The following DCUN1D4 variants were observed in gnomAD, a reference collection of about 807,000 sequenced individuals.
The protein encoded by DCUN1D4 is DCN1-like protein 4.
In DCUN1D4, 22 loss-of-function variants were observed where a neutral mutation model predicts 47.9. The ratio of observed to expected loss-of-function variants is 0.46; its 90% CI spans 0.33 to 0.66. The LOEUF is 0.66. Ranked by LOEUF, DCUN1D4 falls within the 30% of genes least tolerant of loss-of-function variation. The probability of loss-of-function intolerance (pLI) is 0.02; values close to 1 mark genes in which losing one functional copy is unlikely to be tolerated. For missense variants in DCUN1D4, 301 were observed against 340.8 expected, an observed-to-expected ratio of 0.88 and a Z score of 0.92; for synonymous variants, 121 against 112.2, an observed-to-expected ratio of 1.08 and a Z score of -0.50.
At position 51,915,240 on chromosome 4, in the gene DCUN1D4, C is replaced by T. The variant is rs1282713912; in HGVS notation, c.*1656C>T. ...AAGAAAGAAATTTTGTATGTATATA[C>T]AGTGTGTGTGTATACAAAATCATGA... is the stretch of plus-strand genomic sequence containing the variant. On this transcript the variant is annotated 3_prime_UTR_variant, in exon 11 of 11. Coordinates refer to ENST00000334635, the MANE Select transcript of DCUN1D4 (RefSeq NM_001040402.3). 6.6e-6 allele frequency: 1 copy of T among 152,478 alleles called. No homozygotes were observed. The highest frequency in any genetic ancestry group is 2.4e-5 in the African/African-American group (1 of 41,412). 9.4% of individuals were successfully genotyped at this position (152,478 alleles called of 1,614,324 possible). A position where few individuals can be genotyped will look rare whatever the true frequency, so the allele number is the denominator to read the frequency against.
rs1265582626 is a variant in DCUN1D4, at chr4:51,886,552, A to C, written c.344-16A>C. The C allele has an allele frequency of 1.2e-6, 2 of 1,612,232 alleles. No homozygotes were observed. Among genetic ancestry groups the C allele is most frequent in the Non-Finnish European group, 1.7e-6 (2 of 1,178,510 alleles). ...TGCATGGTCAGATTTAATTTACATA[A>C]GACTGTATTTCACAGGAACTGATGA... On this transcript the variant is annotated splice_polypyrimidine_tract_variant and intron_variant, in intron 5 of 10. Transcript: ENST00000334635.
chr4:51,863,597 T>G (rs1291160074), intron 2 of DCUN1D4, 73 bp from the exon 3 acceptor site: 1 of 1,580,812 alleles, frequency 6.3e-7, no homozygotes, highest in Non-Finnish European at 8.7e-7. Flanking sequence ...ATTCTAGATA[T>G]TAGGATATCA....
intron 9 of DCUN1D4, among the ~76,000 whole-genome samples, chr4:51,911,678 T>A (rs1324466192): frequency 6.6e-6 from 1 of 152,170 alleles, no homozygotes. Context: ...CTCCTTCAGT[T>A]TAAATTGTCT....
At chr4:51,906,081 TAAAG>T (rs538737414) in intron 8 of DCUN1D4, among the ~76,000 whole-genome samples, 10 of 152,176 alleles carry the variant, frequency 6.6e-5, no homozygotes, top group Admixed American at 2.0e-4. Context: ...AATAAAACCT[TAAAG>T]AAGTCGAATG....
intron 6 of DCUN1D4, among the ~76,000 whole-genome samples, chr4:51,890,282 C>A (rs1392345325): frequency 2.0e-5 from 3 of 152,128 alleles, no homozygotes; most frequent in Non-Finnish European, 1.5e-5. Context: ...GTTTTTATGT[C>A]ATCTTAGTTC....
chr4:51,898,650 C>A (rs1731637668), intron 7 of DCUN1D4, among the ~76,000 whole-genome samples: 1 of 152,210 alleles, frequency 6.6e-6, no homozygotes, highest in Non-Finnish European at 1.5e-5. Context: ...GGACACACAT[C>A]TTGTCAGAAG....
intron 6 of DCUN1D4, among the ~76,000 whole-genome samples, chr4:51,889,352 G>A (rs1730062738): frequency 6.6e-6 from 1 of 152,170 alleles, no homozygotes; most frequent in South Asian, 2.1e-4. Flanking sequence ...CACGTTTAAG[G>A]TATTTAAAAC....
intron 5 of DCUN1D4, among the ~76,000 whole-genome samples, chr4:51,882,561 A>G (rs1471419628): frequency 6.6e-6 from 1 of 152,044 alleles, no homozygotes; most frequent in Non-Finnish European, 1.5e-5. Context: ...AGGTCAGGAG[A>G]TCGAGACCAT....
intron 9 of DCUN1D4, 55 bp from the exon 10 acceptor site, chr4:51,913,235 G>A (rs867003707): frequency 4.0e-5 from 44 of 1,108,428 alleles, no homozygotes; most frequent in Middle Eastern, 2.0e-4. Flanking sequence ...AATTGAAACC[G>A]TCCCATTTGT....
rs113392701 is a variant in DCUN1D4, at chr4:51,910,168, T to C, written c.616-902T>C. Among the ~76,000 whole-genome samples the C allele has an allele frequency of 1.5e-3, 224 of 152,290 alleles. 3 individuals are homozygous for C. Among genetic ancestry groups the C allele is most frequent in the African/African-American group, 5.1e-3 (212 of 41,566 alleles). Reference sequence around the variant, plus strand: ...TGTAGTTAAGATAACACATGGAGGCTAGCTTTGGATATGTAAGGTATGCTT... The same window carrying C: ...TGTAGTTAAGATAACACATGGAGGCCAGCTTTGGATATGTAAGGTATGCTT... On this transcript the variant is annotated intron_variant, in intron 8 of 10. Coordinates refer to ENST00000334635, the MANE Select transcript of DCUN1D4 (RefSeq NM_001040402.3).
intron 8 of DCUN1D4, among the ~76,000 whole-genome samples, chr4:51,910,169 AGCTTTGGATATGTAAGGTAT>A (rs2110137976): frequency 6.6e-6 from 1 of 152,262 alleles, no homozygotes; most frequent in African/African-American, 2.4e-5. Context: ...CATGGAGGCT[AGCTTTGGATATGTAAGGTAT>A]GCTTATGGTC....
intron 1 of DCUN1D4, among the ~76,000 whole-genome samples, chr4:51,848,718 A>G (rs935020860): frequency 2.0e-5 from 3 of 152,232 alleles, no homozygotes; most frequent in Non-Finnish European, 2.9e-5. Flanking sequence ...AGAATTAGGT[A>G]TTTTAACAAT....
chr4:51,906,590 T>C (rs1021478797), intron 8 of DCUN1D4, among the ~76,000 whole-genome samples: 1 of 151,794 alleles, frequency 6.6e-6, no homozygotes, highest in Non-Finnish European at 1.5e-5. Context: ...CTCCTCACAC[T>C]CTCCCTCATA....
intron 1 of DCUN1D4, among the ~76,000 whole-genome samples, chr4:51,859,467 G>A (rs1214793320): frequency 6.6e-6 from 1 of 151,808 alleles, no homozygotes; most frequent in African/African-American, 2.4e-5. Flanking sequence ...TCTTTTGATT[G>A]AGAGTCATTG....
intron 1 of DCUN1D4, among the ~76,000 whole-genome samples, chr4:51,847,453 C>G (rs755489773): frequency 2.0e-5 from 3 of 152,164 alleles, no homozygotes; most frequent in Non-Finnish European, 2.9e-5. Flanking sequence ...ATAACCCACA[C>G]TGAAATCCTG....
intron 8 of DCUN1D4, chr4:51,910,803 G>A (rs531418263): frequency 1.4e-4 from 66 of 464,106 alleles, no homozygotes; most frequent in African/African-American, 1.1e-3. Flanking sequence ...AAACTGCTAC[G>A]ACATAACTAA....
Position 51,899,352 on chromosome 4 carries a change from T to C in DCUN1D4, c.589T>C (p.Tyr197His). 6.2e-7 allele frequency: 1 copy of C among 1,608,384 alleles called. No homozygotes were observed. Among genetic ancestry groups the C allele is most frequent in the Non-Finnish European group, 8.5e-7 (1 of 1,177,540 alleles). The change falls in exon 8 of 11, where the codon TAC (tyrosine) becomes CAC (histidine). Residue 197 changes from tyrosine (Y) to histidine (H), a missense_variant. By Grantham distance (83) the Tyr-to-His change is moderately conservative. Coordinates refer to ENST00000334635, the MANE Select transcript of DCUN1D4 (RefSeq NM_001040402.3). ...LNDSTNFKLIYRYAFDFAREK... is the reference protein window; with the variant it reads ...LNDSTNFKLIHRYAFDFAREK... ...TGATTCTACAAACTTTAAACTTATTTACAGATATGCGTTTGACTTTGCACG... is the reference window on the plus strand; with the variant it reads ...TGATTCTACAAACTTTAAACTTATTCACAGATATGCGTTTGACTTTGCACG...
rs142827644 is a variant in DCUN1D4, at chr4:51,872,550, A to G, written c.137-1721A>G. ...CAATTGAACACTCCCTTCTCAAAGC[A>G]TGCTCTCCTCCTTTGGCTTCCAGGA... On this transcript the variant is annotated intron_variant, in intron 3 of 10. Coordinates refer to ENST00000334635, the MANE Select transcript of DCUN1D4 (RefSeq NM_001040402.3). 7.9e-5 allele frequency among the ~76,000 whole-genome samples: 12 copies of G among 152,286 alleles called. No individual in the cohort carries two copies. The East Asian group carries it at 2.3e-3, about 29-fold the overall frequency.
At position 51,849,967 on chromosome 4, in the gene DCUN1D4, A is replaced by C. The variant is rs565668174; in HGVS notation, c.25+6700A>C. ...TTAGGTATAATTTCACGTATTATAAAATTATACTCATTTTAAGTGTTGTTG... is the reference window on the plus strand; with the variant it reads ...TTAGGTATAATTTCACGTATTATAACATTATACTCATTTTAAGTGTTGTTG... On this transcript the variant is annotated intron_variant, in intron 1 of 10. Coordinates refer to ENST00000334635, the MANE Select transcript of DCUN1D4 (RefSeq NM_001040402.3). 4.6e-5 allele frequency among the ~76,000 whole-genome samples: 7 copies of C among 152,218 alleles called. No homozygotes were observed. The East Asian group carries it at 1.4e-3, about 29-fold the overall frequency.
Sources: gnomAD v4.1 joint callset for allele counts (sites outside exome capture counted in the v4.1 genomes callset) on GRCh38, gnomAD v4.1.1 for gene constraint, MANE v1.5 for transcripts, NCBI Gene and HGNC (gene_info 2026-07-23, HGNC 2026-07-21) for gene names.